TRIP12: variants seen among roughly 807,000 people sequenced by gnomAD.
The protein encoded by TRIP12 is thyroid hormone receptor interactor 12.
TRIP12 carries 25 observed loss-of-function variants against 244.2 expected under a neutral mutation model. The ratio of observed to expected loss-of-function variants is 0.10; its 90% CI spans 0.07 to 0.14. The LOEUF (loss-of-function observed/expected upper bound fraction) is 0.14, where lower values mean the gene tolerates loss of function less well. Among genes scored for constraint, TRIP12 ranks in the 10% least tolerant of loss-of-function variants. The pLI is 1.00. For synonymous variants in TRIP12, 905 were observed against 873.1 expected, an observed-to-expected ratio of 1.04 and a Z score of -0.64; for missense variants, 1,677 against 2,486.4, an observed-to-expected ratio of 0.67 and a Z score of 6.92.
At chr2:229,794,733 A>C (rs753123676) in intron 26 of TRIP12, 1 of 152,162 alleles carries the variant, frequency 6.6e-6, no homozygotes, top group African/African-American at 2.4e-5. Flanking sequence ...ATATATATTT[A>C]TTAAACTAGT....
intron 34 of TRIP12, among the ~76,000 whole-genome samples, chr2:229,782,490 C>G (rs1181449131): frequency 6.6e-6 from 1 of 152,148 alleles, no homozygotes; most frequent in Non-Finnish European, 1.5e-5. Context: ...ACCTGTACCA[C>G]TACCTTGCCA....
intron 2 of TRIP12, among the ~76,000 whole-genome samples, chr2:229,872,104 TAAAAAAAAAAAAAAA>T (rs34496202): frequency 3.8e-5 from 4 of 105,278 alleles, no homozygotes; most frequent in Admixed American, 1.1e-4. Flanking sequence ...ACAGATATTG[TAAAAAAAAAAAAAAA>T]AAAAAAAAAA....
chr2:229,783,649 A>G (rs935064481), intron 34 of TRIP12, among the ~76,000 whole-genome samples: 1 of 152,198 alleles, frequency 6.6e-6, no homozygotes, highest in Non-Finnish European at 1.5e-5. Context: ...CACCACATTC[A>G]TGGATCAGAA....
intron 1 of TRIP12, among the ~76,000 whole-genome samples, chr2:229,897,427 T>A (rs1311075489): frequency 2.0e-5 from 3 of 151,972 alleles, no homozygotes; most frequent in African/African-American, 7.2e-5. Flanking sequence ...GTGGGAGGAT[T>A]ATTTGAGGTC....
chr2:229,894,415 A>G (rs1449623855), intron 1 of TRIP12: 2 of 152,192 alleles, frequency 1.3e-5, no homozygotes, highest in African/African-American at 4.8e-5. Flanking sequence ...CCCCTGTGTA[A>G]GGATTACACA....
chr2:229,911,789 A>T (rs2074332243), intron 1 of TRIP12, among the ~76,000 whole-genome samples: 1 of 152,208 alleles, frequency 6.6e-6, no homozygotes, highest in Admixed American at 6.5e-5. Flanking sequence ...TTTTATTAGA[A>T]TATTTAATTT....
At chr2:229,871,271 G>A (rs1051204129) in intron 2 of TRIP12, among the ~76,000 whole-genome samples, 1 of 152,126 alleles carries the variant, frequency 6.6e-6, no homozygotes, top group Non-Finnish European at 1.5e-5. Flanking sequence ...CCAAACATAA[G>A]TATGGTTTCT....
chr2:229,881,412 G>C (rs1412817615), intron 1 of TRIP12, among the ~76,000 whole-genome samples: 1 of 152,200 alleles, frequency 6.6e-6, no homozygotes, highest in East Asian at 1.9e-4. Context: ...CTGGGAAAGA[G>C]AGTGAACATA....
chr2:229,777,636 AATTG>A (rs2036691924), intron 36 of TRIP12, among the ~76,000 whole-genome samples, 157 bp from the exon 37 acceptor site: 1 of 152,196 alleles, frequency 6.6e-6, no homozygotes, highest in African/African-American at 2.4e-5. Flanking sequence ...CACTACACAA[AATTG>A]ATTCTCTTGA....
intron 9 of TRIP12, among the ~76,000 whole-genome samples, chr2:229,816,610 G>A (rs911064951): frequency 1.3e-5 from 2 of 152,094 alleles, no homozygotes; most frequent in African/African-American, 4.8e-5. Context: ...TATTAATAGC[G>A]AGAGCATACT....
In TRIP12 at chr2:229,766,395, C is replaced by A. The variant is rs946861643; in HGVS notation, c.*1159G>T. On this transcript the variant is annotated 3_prime_UTR_variant, in exon 42 of 42. Transcript: ENST00000675903. ...TAAACAAAAAGGTGAAGCAAACTTT[C>A]TTTATTTTCAGGTAAAAACATTAAC... 3.3e-5 allele frequency: 5 copies of A among 151,774 alleles called. No homozygotes were observed. The highest frequency in any genetic ancestry group is 3.9e-4 in the East Asian group (2 of 5,194). 9.4% of individuals were successfully genotyped at this position (151,774 alleles called of 1,614,324 possible).
intron 37 of TRIP12, among the ~76,000 whole-genome samples, chr2:229,776,936 C>T (rs1328383218): frequency 6.6e-6 from 1 of 152,160 alleles, no homozygotes; most frequent in African/African-American, 2.4e-5. Flanking sequence ...TCTCTAGAAA[C>T]AAGACTGTTC....
rs1489705826 is a variant in TRIP12, at chr2:229,778,219, C to G, written c.5364+214G>C. On this transcript the variant is annotated intron_variant, in intron 36 of 41. Transcript: ENST00000675903. The surrounding 1 kb of genome is among the most constrained non-coding windows in gnomAD (Gnocchi z 4.1). ...CAATCGGGCATGCCCTGGGAGCTGA[C>G]AGGAAAATTTAGAATCTTGGACAGT... Among the ~76,000 whole-genome samples, 1 of 152,150 alleles carries G rather than the reference C, an allele frequency of 6.6e-6. No homozygotes were observed. The highest frequency in any genetic ancestry group is 1.9e-4 in the East Asian group (1 of 5,198).
At chr2:229,876,099 C>A (rs1439088877) in intron 2 of TRIP12, among the ~76,000 whole-genome samples, 1 of 152,078 alleles carries the variant, frequency 6.6e-6, no homozygotes, top group Admixed American at 6.6e-5. Context: ...CATAGTGAAA[C>A]CTCGTCTTTA....
At chr2:229,916,281 T>C (rs1022436394) in intron 1 of TRIP12, among the ~76,000 whole-genome samples, 1 of 152,226 alleles carries the variant, frequency 6.6e-6, no homozygotes. Flanking sequence ...ATAGCCAGGA[T>C]TGGAACCTAA....
intron 4 of TRIP12, among the ~76,000 whole-genome samples, chr2:229,842,192 A>C (rs1575811305): frequency 6.6e-6 from 1 of 152,208 alleles, no homozygotes; most frequent in Non-Finnish European, 1.5e-5. Flanking sequence ...AAAGAATGAA[A>C]CTTTAATTGG....
rs1167160044 is a variant in TRIP12, at chr2:229,796,498, C to G, written c.3816+93G>C. 3.3e-6 allele frequency: 4 copies of G among 1,202,662 alleles called. No homozygotes were observed. In the Admixed American group the frequency reaches 8.9e-5, roughly 27 times the overall value. The allele number at this position is 1,202,662 out of a possible 1,614,324, so 74.5% of individuals were successfully genotyped here. A position where few individuals can be genotyped will look rare whatever the true frequency, so the allele number is the denominator to read the frequency against. On this transcript the variant is annotated intron_variant, in intron 25 of 41. Coordinates refer to ENST00000675903, the MANE Select transcript of TRIP12 (RefSeq NM_001348323.3). The stretch of plus-strand genomic sequence containing the variant: ...AGAAGTTTTCCCTCAATGTCTTGAC[C>G]AAGACCTGCTGGAAATTATTACTGA...
chr2:229,879,686 TG>T (rs1199623557), intron 2 of TRIP12, among the ~76,000 whole-genome samples: 1 of 152,236 alleles, frequency 6.6e-6, no homozygotes, highest in Admixed American at 6.5e-5. Flanking sequence ...AAAGATGTGT[TG>T]TAACATACAT....
intron 6 of TRIP12, among the ~76,000 whole-genome samples, chr2:229,836,105 C>A (rs372401385): frequency 1.3e-5 from 2 of 152,192 alleles, no homozygotes; most frequent in Non-Finnish European, 2.9e-5. Flanking sequence ...AAAATGACAA[C>A]GTATCCTAAT....
Sources: allele counts gnomAD v4.1 joint callset (sites outside exome capture counted in the v4.1 genomes callset), GRCh38; gene constraint gnomAD v4.1.1; non-coding constraint Gnocchi (gnomAD v3.1); transcripts MANE v1.5; gene names NCBI Gene and HGNC (gene_info 2026-07-23, HGNC 2026-07-21).